Variants in TRPM3 observed in about 807,000 individuals in gnomAD.
The protein encoded by TRPM3 is long transient receptor potential channel 3.
A neutral mutation model predicts 181.2 loss-of-function variants in TRPM3; 77 were observed. The ratio of observed to expected loss-of-function variants is 0.42; its 90% CI spans 0.35 to 0.51. TRPM3 has a LOEUF of 0.51. Among genes scored for constraint, TRPM3 ranks in the 20% least tolerant of loss-of-function variants. TRPM3 has a pLI of 0.01. For synonymous variants in TRPM3, 745 were observed against 796.4 expected (o/e 0.94, Z 1.09); for missense variants, 1,759 against 2,196.7 (o/e 0.80, Z 3.98).
At chr9:71,166,086 A>C (rs1401972581) in intron 1 of TRPM3, among the ~76,000 whole-genome samples, 1 of 152,138 alleles carries the variant, frequency 6.6e-6, no homozygotes, top group Non-Finnish European at 1.5e-5. Flanking sequence ...GTGGTCCTCT[A>C]TGAAGAATCA....
chr9:70,534,252 G>A lies in TRPM3; in HGVS notation c.*1701C>T, dbSNP rs2041289020. ...TAGGAAAAGCGAGACTAAATGAGAT[G>A]TCCTGATAGTGAGTGATTTCAGACA... On this transcript the variant is annotated 3_prime_UTR_variant, in exon 26 of 26. Transcript: ENST00000677713. The A allele has an allele frequency of 1.3e-5, 2 of 152,194 alleles. 1 individual carries two copies. The highest frequency in any genetic ancestry group is 4.1e-4 in the South Asian group (2 of 4,834). The allele number at this position is 152,194 out of a possible 1,614,324, so 9.4% of individuals were successfully genotyped here.
At chr9:71,321,698 G>GA (rs1385869429) in intron 1 of TRPM3, among the ~76,000 whole-genome samples, 1 of 152,066 alleles carries the variant, frequency 6.6e-6, no homozygotes, top group African/African-American at 2.4e-5. Flanking sequence ...GACACAGGAG[G>GA]AAAAAAAGTG....
Position 70,536,874 on chromosome 9 carries a change from G to A in TRPM3, c.4239C>T (p.Asp1413=). ...PDSRRPSSCI[D]IYVSAMDELH... ...GCTCATCCATAGCAGAGACATAGAT[G>A]TCTATACACGATGATGGTCTTCTGG... is the stretch of plus-strand genomic sequence containing the variant. Residue 1413 remains aspartate (D), a synonymous_variant, in exon 26 of 26, where the codon GAC becomes GAT. Coordinates refer to ENST00000677713, the MANE Select transcript of TRPM3 (RefSeq NM_001366145.2). The A allele has an allele frequency of 6.2e-7, 1 of 1,614,206 alleles. No homozygotes were observed. Among genetic ancestry groups the A allele is most frequent in the Non-Finnish European group, 8.5e-7 (1 of 1,180,034 alleles).
intron 16 of TRPM3, among the ~76,000 whole-genome samples, chr9:70,619,769 A>C (rs1204243507): frequency 2.0e-5 from 3 of 152,046 alleles, no homozygotes; most frequent in African/African-American, 7.2e-5. Flanking sequence ...TTGCCACCAC[A>C]AATGTGTGAT....
chr9:71,329,994 G>A (rs1267575628), intron 1 of TRPM3, among the ~76,000 whole-genome samples: 4 of 147,722 alleles, frequency 2.7e-5, no homozygotes, highest in South Asian at 4.2e-4. Flanking sequence ...CAGAAAAGAT[G>A]AGTGAGAAAA....
At chr9:71,440,051 A>T (rs1384611628) in intron 1 of TRPM3, among the ~76,000 whole-genome samples, 2 of 152,150 alleles carry the variant, frequency 1.3e-5, no homozygotes, top group African/African-American at 4.8e-5. Flanking sequence ...TGAACCCAGG[A>T]GGCGAAGCTT....
At chr9:71,322,991 C>CT (rs2089378572) in intron 1 of TRPM3, among the ~76,000 whole-genome samples, 2 of 152,006 alleles carry the variant, frequency 1.3e-5, no homozygotes, top group Non-Finnish European at 2.9e-5. Flanking sequence ...AATATTTCTC[C>CT]ATCTTTTTTG....
intron 1 of TRPM3, among the ~76,000 whole-genome samples, chr9:71,231,697 C>A (rs1005918728): frequency 6.6e-6 from 1 of 152,184 alleles, no homozygotes; most frequent in African/African-American, 2.4e-5. Context: ...CTAAATACTG[C>A]ATGTTCTCAC....
chr9:71,196,138 T>C (rs1345308477), intron 1 of TRPM3, among the ~76,000 whole-genome samples: 1 of 147,082 alleles, frequency 6.8e-6, no homozygotes, highest in African/African-American at 2.5e-5. Context: ...TTTATGTACA[T>C]ACGCATATAT....
At chr9:70,967,160 A>C (rs2097193705) in intron 1 of TRPM3, among the ~76,000 whole-genome samples, 1 of 152,094 alleles carries the variant, frequency 6.6e-6, no homozygotes, top group South Asian at 2.1e-4. Flanking sequence ...TTCTAATGCT[A>C]TTCAACTCTA....
At chr9:71,244,295 G>T (rs1343076056) in intron 1 of TRPM3, among the ~76,000 whole-genome samples, 1 of 152,084 alleles carries the variant, frequency 6.6e-6, no homozygotes, top group Non-Finnish European at 1.5e-5. Flanking sequence ...GTCGGGAGCT[G>T]GGGTCCCTTT....
intron 1 of TRPM3, among the ~76,000 whole-genome samples, chr9:71,338,211 T>C (rs2090705337): frequency 6.6e-6 from 1 of 152,080 alleles, no homozygotes; most frequent in South Asian, 2.1e-4. Flanking sequence ...AAAAGTCACA[T>C]CTAACGACTC....
chr9:71,211,411 T>A (rs1473528933), intron 1 of TRPM3, among the ~76,000 whole-genome samples: 2 of 152,002 alleles, frequency 1.3e-5, no homozygotes, highest in Non-Finnish European at 2.9e-5. Context: ...ATGGGTCCTG[T>A]ACTAAAGACA....
intron 1 of TRPM3, among the ~76,000 whole-genome samples, chr9:71,328,068 TAA>T (rs201839952): frequency 2.2e-5 from 3 of 135,714 alleles, no homozygotes; most frequent in South Asian, 2.4e-4. Flanking sequence ...TTTTCTGAAT[TAA>T]AAAAAAAAAA....
At chr9:70,642,415 T>C (rs1013794673) in intron 9 of TRPM3, among the ~76,000 whole-genome samples, 2 of 152,220 alleles carry the variant, frequency 1.3e-5, no homozygotes, top group African/African-American at 4.8e-5. Flanking sequence ...ATGTGTATGC[T>C]GTTCATTCCT....
At chr9:70,913,153 T>C (rs1483530425) in intron 1 of TRPM3, among the ~76,000 whole-genome samples, 1 of 152,176 alleles carries the variant, frequency 6.6e-6, no homozygotes, top group Non-Finnish European at 1.5e-5. Flanking sequence ...CAACATTTTG[T>C]TTTCTTTTCC....
intron 1 of TRPM3, among the ~76,000 whole-genome samples, chr9:71,269,312 G>C (rs534343719): frequency 1.6e-4 from 25 of 152,262 alleles, no homozygotes; most frequent in African/African-American, 5.8e-4. Flanking sequence ...GCACACGACT[G>C]GGATTTTATC....
intron 1 of TRPM3, among the ~76,000 whole-genome samples, chr9:70,909,497 C>T (rs2096514136): frequency 6.6e-6 from 1 of 152,020 alleles, no homozygotes; most frequent in East Asian, 1.9e-4. Context: ...CTCTGGGGAG[C>T]CCTAGGCAGC....
chr9:71,011,497 CTG>C (rs536887334), intron 1 of TRPM3, among the ~76,000 whole-genome samples: 8 of 152,072 alleles, frequency 5.3e-5, no homozygotes, highest in African/African-American at 1.9e-4. Flanking sequence ...TTTCTGTTAA[CTG>C]TGTTTTTCCC....
Sources: allele counts gnomAD v4.1 joint callset (sites outside exome capture counted in the v4.1 genomes callset), GRCh38; gene constraint gnomAD v4.1.1; transcripts MANE v1.5; gene names NCBI Gene and HGNC (gene_info 2026-07-23, HGNC 2026-07-21).